Variants in DPP10 observed in about 807,000 individuals in gnomAD.
DPP10 encodes the protein dipeptidyl peptidase like 10.
Under a neutral mutation model 120.9 loss-of-function variants are expected in DPP10, and 33 were observed. That is an observed-to-expected ratio of 0.27 (90% CI 0.21 to 0.37). The LOEUF (loss-of-function observed/expected upper bound fraction) is 0.37. DPP10 is among the 10% of genes least tolerant of loss of function. The pLI is 1.00. For missense variants in DPP10, 816 were observed against 942.8 expected, an observed-to-expected ratio of 0.87 and a Z score of 1.76; for synonymous variants, 337 against 326.1, an observed-to-expected ratio of 1.03 and a Z score of -0.36.
chr2:115,075,700 G>A (rs1707729082), intron 1 of DPP10, among the ~76,000 whole-genome samples: 1 of 131,746 alleles, frequency 7.6e-6, no homozygotes, highest in African/African-American at 2.7e-5. Context: ...GATAGCAATG[G>A]TGAACTTTTT....
intron 5 of DPP10, among the ~76,000 whole-genome samples, chr2:115,645,306 T>C (rs931501292): frequency 6.6e-6 from 1 of 152,180 alleles, no homozygotes; most frequent in African/African-American, 2.4e-5. Flanking sequence ...AGTTTTGATA[T>C]AGAGATAGTA....
intron 19 of DPP10, among the ~76,000 whole-genome samples, chr2:115,797,690 G>A (rs1320624645): frequency 3.9e-5 from 6 of 151,982 alleles, no homozygotes; most frequent in Non-Finnish European, 8.8e-5. Context: ...AATAGAAGGG[G>A]AGAAGGTGAT....
At chr2:115,636,593 A>T (rs2086350689) in intron 5 of DPP10, among the ~76,000 whole-genome samples, 1 of 152,080 alleles carries the variant, frequency 6.6e-6, no homozygotes, top group Non-Finnish European at 1.5e-5. Flanking sequence ...GGAGAGAGAC[A>T]GAAAAAGAGA....
chr2:114,539,124 T>A lies in DPP10; in HGVS notation c.60+96286T>A, dbSNP rs967588121. On this transcript the variant is annotated intron_variant, in intron 1 of 25. Transcript: ENST00000410059. ...ATGTTTTTAAAATAAAAATTGTATT[T>A]TATATATATAAATATATTTATAATT... is the stretch of plus-strand genomic sequence containing the variant. Among the ~76,000 whole-genome samples, 11 of 149,484 alleles carry A rather than the reference T, an allele frequency of 7.4e-5. No homozygotes were observed. In the East Asian group the frequency reaches 1.4e-3, roughly 19 times the overall value.
chr2:115,633,089 C>G (rs1387514214), intron 5 of DPP10, among the ~76,000 whole-genome samples: 2 of 152,242 alleles, frequency 1.3e-5, no homozygotes, highest in East Asian at 3.9e-4. Flanking sequence ...GGGTATATAT[C>G]CAAAGGATTA....
intron 1 of DPP10, among the ~76,000 whole-genome samples, chr2:115,252,838 T>C (rs1473344403): frequency 3.3e-5 from 5 of 152,232 alleles, no homozygotes; most frequent in African/African-American, 1.2e-4. Context: ...AAAATCTCTC[T>C]TCTAACCCTC....
intron 1 of DPP10, among the ~76,000 whole-genome samples, chr2:115,032,932 G>T (rs571856170): frequency 1.3e-5 from 2 of 151,034 alleles, no homozygotes; most frequent in East Asian, 1.9e-4. Context: ...TAGGTTCATT[G>T]TTAGGTAGAC....
At chr2:115,787,163 G>C (rs1388901242) in intron 17 of DPP10, among the ~76,000 whole-genome samples, 11 of 152,182 alleles carry the variant, frequency 7.2e-5, no homozygotes. Flanking sequence ...ATTGTTAGAA[G>C]ATCACAACAA....
chr2:115,530,359 A>G (rs1329110711), intron 5 of DPP10, among the ~76,000 whole-genome samples: 3 of 152,124 alleles, frequency 2.0e-5, no homozygotes, highest in Admixed American at 6.6e-5. Flanking sequence ...TATGTATCAT[A>G]TATATGGTAG....
chr2:114,539,604 C>T (rs566160591), intron 1 of DPP10, among the ~76,000 whole-genome samples: 3 of 152,320 alleles, frequency 2.0e-5, no homozygotes, highest in South Asian at 4.1e-4. Flanking sequence ...GCAGCTTTCA[C>T]GTTTCAGCTT....
chr2:115,588,763 G>A (rs890186619), intron 5 of DPP10, among the ~76,000 whole-genome samples: 1 of 152,182 alleles, frequency 6.6e-6, no homozygotes, highest in African/African-American at 2.4e-5. Context: ...CTCCATATAT[G>A]TTTGTTGAAC....
chr2:115,562,390 A>G (rs1368436566), intron 5 of DPP10, among the ~76,000 whole-genome samples: 1 of 152,118 alleles, frequency 6.6e-6, no homozygotes, highest in Non-Finnish European at 1.5e-5. Flanking sequence ...CCTAACTCAG[A>G]TGATCATTTA....
At chr2:115,796,346 C>T (rs1684526416) in intron 19 of DPP10, among the ~76,000 whole-genome samples, 1 of 152,090 alleles carries the variant, frequency 6.6e-6, no homozygotes. Flanking sequence ...GCTTTCTCTC[C>T]TGTTAAACTG....
chr2:114,650,542 G>A (rs1283781188), intron 1 of DPP10, among the ~76,000 whole-genome samples: 1 of 152,144 alleles, frequency 6.6e-6, no homozygotes, highest in Non-Finnish European at 1.5e-5. Flanking sequence ...CTGCCTTCAA[G>A]ATTGTGCTGT....
chr2:115,806,269 G>A (rs1685956433), intron 19 of DPP10, among the ~76,000 whole-genome samples: 1 of 152,002 alleles, frequency 6.6e-6, no homozygotes, highest in African/African-American at 2.4e-5. Context: ...ATTTTGTTGA[G>A]GTCAACTTTT....
intron 1 of DPP10, among the ~76,000 whole-genome samples, chr2:115,210,666 C>T (rs865908196): frequency 4.5e-4 from 68 of 152,150 alleles, no homozygotes; most frequent in South Asian, 1.7e-3. Flanking sequence ...TTCTCCATAT[C>T]CCCTCCAGCA....
chr2:115,541,918 C>A (rs2079193642), intron 5 of DPP10, among the ~76,000 whole-genome samples: 1 of 151,832 alleles, frequency 6.6e-6, no homozygotes, highest in South Asian at 2.1e-4. Flanking sequence ...CTTTTACTTA[C>A]TTTTAAGTAC....
At chr2:114,725,502 T>C (rs939026839) in intron 1 of DPP10, among the ~76,000 whole-genome samples, 1 of 152,206 alleles carries the variant, frequency 6.6e-6, no homozygotes, top group African/African-American at 2.4e-5. Context: ...CAACATCCGA[T>C]GATGCAAATT....
chr2:115,472,339 G>A (rs556154919), intron 3 of DPP10, among the ~76,000 whole-genome samples: 16 of 152,014 alleles, frequency 1.1e-4, no homozygotes, highest in Non-Finnish European at 1.9e-4. Context: ...ATTAGAAGTC[G>A]AATATGAACT....
Sources: allele counts gnomAD v4.1 joint callset (sites outside exome capture counted in the v4.1 genomes callset), GRCh38; gene constraint gnomAD v4.1.1; transcripts MANE v1.5; gene names NCBI Gene and HGNC (gene_info 2026-07-23, HGNC 2026-07-21).